The following ANK3 variants were observed in gnomAD, a reference collection of about 807,000 sequenced individuals.
ANK3 encodes the protein ankyrin 3, also known as ankyrin-3.
A neutral mutation model predicts 370.9 loss-of-function variants in ANK3; 57 were observed. The observed-to-expected ratio is 0.15, with a 90% confidence interval of 0.12 to 0.19. The LOEUF (loss-of-function observed/expected upper bound fraction) is 0.19. ANK3 is among the 10% of genes least tolerant of loss of function. The pLI is 1.00. For synonymous variants in ANK3, 1,929 were observed against 1,946.3 expected, an observed-to-expected ratio of 0.99 and a Z score of 0.23; for missense variants, 4,439 against 5,302.1, an observed-to-expected ratio of 0.84 and a Z score of 5.06.
At chr10:60,082,978 T>C (rs1303459246) in intron 33 of ANK3, among the ~76,000 whole-genome samples, 2 of 152,212 alleles carry the variant, frequency 1.3e-5, no homozygotes, top group South Asian at 2.1e-4. Context: ...TGACAATTCA[T>C]AGTACAGTCT....
intron 1 of ANK3, among the ~76,000 whole-genome samples, chr10:60,719,643 C>T (rs889275018): frequency 1.2e-4 from 18 of 152,118 alleles, no homozygotes; most frequent in African/African-American, 4.3e-4. Context: ...TATGAGGTGT[C>T]TATTCATACC....
intron 41 of ANK3, among the ~76,000 whole-genome samples, chr10:60,058,952 A>G (rs949697550): frequency 6.6e-6 from 1 of 152,088 alleles, no homozygotes; most frequent in African/African-American, 2.4e-5. Context: ...ATGAGGTTTC[A>G]CCATGTTGGC....
rs766895571 is a variant in ANK3, at chr10:60,278,768, G to C, written c.414+6C>G. 7.5e-6 allele frequency: 12 copies of C among 1,609,710 alleles called. No individual in the cohort carries two copies. In the South Asian group the frequency reaches 1.3e-4, roughly 18 times the overall value. ...AAATGTCTGTGGCATGGAGTTGTAG[G>C]CTTACCTGAGATTGTGCATTGACAT... is the stretch of plus-strand genomic sequence containing the variant. On this transcript the variant is annotated splice_donor_region_variant and intron_variant, in intron 4 of 43. Transcript: ENST00000280772.
intron 2 of ANK3, among the ~76,000 whole-genome samples, chr10:60,554,183 T>C (rs2077155869): frequency 6.6e-6 from 1 of 152,224 alleles, no homozygotes; most frequent in Non-Finnish European, 1.5e-5. Context: ...GTCTGTGTTC[T>C]TCCTGGTCTT....
chr10:60,105,011 G>A (rs1165935361), intron 28 of ANK3, among the ~76,000 whole-genome samples: 1 of 152,116 alleles, frequency 6.6e-6, no homozygotes, highest in Non-Finnish European at 1.5e-5. Flanking sequence ...GAAACTCACT[G>A]GAGACTATGC....
At chr10:60,053,679 T>C (rs967561434) in intron 42 of ANK3, 2 of 1,303,780 alleles carry the variant, frequency 1.5e-6, no homozygotes, top group Non-Finnish European at 1.0e-6. Flanking sequence ...AATTTTACCT[T>C]ATAACAGCAG....
intron 1 of ANK3, among the ~76,000 whole-genome samples, chr10:60,375,307 C>T (rs1266818737): frequency 6.6e-6 from 1 of 152,132 alleles, no homozygotes; most frequent in Non-Finnish European, 1.5e-5. Flanking sequence ...GCAAGAAAAC[C>T]CAACAATTCA....
intron 1 of ANK3, chr10:60,685,226 G>C (rs2079252259): frequency 3.1e-6 from 1 of 327,810 alleles, no homozygotes; most frequent in African/African-American, 2.2e-5. Flanking sequence ...GCCTAACTCT[G>C]TTGATTTGTA....
chr10:60,498,702 T>G (rs1000891145), intron 2 of ANK3, among the ~76,000 whole-genome samples: 2 of 152,218 alleles, frequency 1.3e-5, no homozygotes, highest in Non-Finnish European at 2.9e-5. Context: ...ATAATATATT[T>G]TTAATGCACA....
chr10:60,705,349 ACCTAACATTCACAGAGTAACAG>A (rs1230803823), intron 1 of ANK3, among the ~76,000 whole-genome samples: 2 of 152,174 alleles, frequency 1.3e-5, no homozygotes, highest in Non-Finnish European at 2.9e-5. Flanking sequence ...CAAACACTTC[ACCTAACATTCACAGAGTAACAG>A]ACACTATATG....
At chr10:60,085,289 TG>T in intron 30 of ANK3, 36 bp from the exon 31 acceptor site, 1 of 1,512,350 alleles carries the variant, frequency 6.6e-7, no homozygotes, top group Non-Finnish European at 9.1e-7. Context: ...GACTTTATCA[TG>T]GGAGATGCTC....
At chr10:60,489,290 T>C (rs1244466370) in intron 2 of ANK3, among the ~76,000 whole-genome samples, 4 of 152,210 alleles carry the variant, frequency 2.6e-5, no homozygotes, top group East Asian at 3.8e-4. Flanking sequence ...TACTTGTTCA[T>C]TGATACATCC....
In ANK3 at chr10:60,071,344, A is replaced by G. The variant is rs1554865660; in HGVS notation, c.9537T>C (p.Tyr3179=). 6.2e-7 allele frequency: 1 copy of G among 1,614,084 alleles called. No individual in the cohort carries two copies. ...PETPSSEEVS[Y]EFTSKTPDSL... is the part of the protein sequence containing the mutation. ...AGTCAGGTGTCTTAGATGTAAATTC[A>G]TAACTCACTTCCTCTGAACTGGGTG... The change falls in exon 37 of 44, where the codon TAT becomes TAC. Residue 3179 remains tyrosine (Y), a synonymous_variant. Transcript: ENST00000280772.
intron 2 of ANK3, among the ~76,000 whole-genome samples, chr10:60,442,387 C>T (rs189695997): frequency 3.4e-4 from 52 of 152,208 alleles, no homozygotes; most frequent in Admixed American, 2.6e-3. Flanking sequence ...TGAGCCACCA[C>T]GCTGGACAAT....
At chr10:60,242,001 A>G (rs1424262426) in intron 7 of ANK3, among the ~76,000 whole-genome samples, 1 of 152,190 alleles carries the variant, frequency 6.6e-6, no homozygotes, top group Non-Finnish European at 1.5e-5. Flanking sequence ...AGAAAACAAC[A>G]TGGATCACTG....
At chr10:60,352,056 G>A (rs2056967432) in intron 1 of ANK3, among the ~76,000 whole-genome samples, 1 of 152,208 alleles carries the variant, frequency 6.6e-6, no homozygotes, top group Admixed American at 6.5e-5. Flanking sequence ...CAGCTCTTCA[G>A]GAGGCTGACA....
At chr10:60,689,332 G>A (rs1241420856) in intron 1 of ANK3, among the ~76,000 whole-genome samples, 3 of 152,182 alleles carry the variant, frequency 2.0e-5, no homozygotes, top group Non-Finnish European at 2.9e-5. Flanking sequence ...CTGGAAGGTC[G>A]AGGCTGCAGT....
At chr10:60,240,155 CATATATACACAT>C (rs1555185345) in intron 7 of ANK3, among the ~76,000 whole-genome samples, 1 of 116,632 alleles carries the variant, frequency 8.6e-6, no homozygotes. Flanking sequence ...CATATATATA[CATATATACACAT>C]ATATATACAT....
chr10:60,064,997 G>A (rs1177122137), intron 38 of ANK3, among the ~76,000 whole-genome samples: 2 of 152,204 alleles, frequency 1.3e-5, no homozygotes, highest in African/African-American at 2.4e-5. Context: ...CACAAGAGAT[G>A]CTGATAGGGT....
Sources: allele counts gnomAD v4.1 joint callset (sites outside exome capture counted in the v4.1 genomes callset), GRCh38; gene constraint gnomAD v4.1.1; transcripts MANE v1.5; gene names NCBI Gene and HGNC (gene_info 2026-07-23, HGNC 2026-07-21).